The following GULP1 variants were observed in gnomAD, a reference collection of about 807,000 sequenced individuals.
The protein encoded by GULP1 is PTB domain-containing engulfment adapter protein 1.
In GULP1, 19 loss-of-function variants were observed where a neutral mutation model predicts 40.9. The ratio of observed to expected loss-of-function variants is 0.46; its 90% CI spans 0.32 to 0.68. GULP1 has a LOEUF of 0.68. GULP1 is among the 30% of genes least tolerant of loss of function. The pLI is 0.03. For synonymous variants in GULP1, 119 were observed against 117.6 expected, an observed-to-expected ratio of 1.01 and a Z score of -0.08; for missense variants, 312 against 362.2, an observed-to-expected ratio of 0.86 and a Z score of 1.12.
At chr2:188,426,076 G>A (rs1438442371) in intron 2 of GULP1, among the ~76,000 whole-genome samples, 3 of 152,130 alleles carry the variant, frequency 2.0e-5, no homozygotes, top group Admixed American at 2.0e-4. Context: ...AAGGAGGCAA[G>A]TTACAGGCAA....
At chr2:188,545,181 A>T (rs1691570536) in intron 7 of GULP1, among the ~76,000 whole-genome samples, 1 of 151,866 alleles carries the variant, frequency 6.6e-6, no homozygotes, top group Admixed American at 6.6e-5. Flanking sequence ...TTATTAGATG[A>T]ATGAAAATTA....
chr2:188,557,579 T>C (rs1298967799), intron 7 of GULP1, among the ~76,000 whole-genome samples: 1 of 152,194 alleles, frequency 6.6e-6, no homozygotes, highest in Middle Eastern at 3.2e-3. Flanking sequence ...GCCATTAAGG[T>C]TCAGCCCTAA....
At chr2:188,571,024 G>C (rs1698919054) in intron 9 of GULP1, among the ~76,000 whole-genome samples, 1 of 152,136 alleles carries the variant, frequency 6.6e-6, no homozygotes, top group African/African-American at 2.4e-5. Flanking sequence ...CAGGCATATT[G>C]GCACACACCT....
chr2:188,586,583 A>T (rs1307756715), intron 10 of GULP1, among the ~76,000 whole-genome samples: 4 of 152,182 alleles, frequency 2.6e-5, no homozygotes, highest in African/African-American at 9.6e-5. Flanking sequence ...TTCCCATTTG[A>T]TTAGGATAGC....
At chr2:188,504,547 A>G (rs1003481779) in intron 4 of GULP1, among the ~76,000 whole-genome samples, 5 of 151,972 alleles carry the variant, frequency 3.3e-5, no homozygotes, top group Admixed American at 1.3e-4. Flanking sequence ...ATTTTGACAG[A>G]GAGTAATAGG....
At chr2:188,517,837 T>C (rs1454609226) in intron 4 of GULP1, among the ~76,000 whole-genome samples, 1 of 152,068 alleles carries the variant, frequency 6.6e-6, no homozygotes, top group Non-Finnish European at 1.5e-5. Flanking sequence ...GCATGTGGAC[T>C]TCTGCTTAGT....
chr2:188,364,903 TACAC>T (rs146488035), intron 1 of GULP1, among the ~76,000 whole-genome samples: 63 of 147,620 alleles, frequency 4.3e-4, no homozygotes, highest in African/African-American at 1.2e-3. Flanking sequence ...TATACACAAA[TACAC>T]ACACACACAC....
chr2:188,353,243 A>G (rs1462258748), intron 1 of GULP1, among the ~76,000 whole-genome samples: 1 of 152,178 alleles, frequency 6.6e-6, no homozygotes, highest in East Asian at 1.9e-4. Context: ...GAAAGCTGAC[A>G]TTTACCAAGT....
chr2:188,335,258 G>T (rs2042111183), intron 1 of GULP1, among the ~76,000 whole-genome samples: 1 of 152,110 alleles, frequency 6.6e-6, no homozygotes, highest in South Asian at 2.1e-4. Flanking sequence ...AACACTTTTG[G>T]CAGGGGGGAA....
chr2:188,494,223 G>C (rs2062685332), intron 4 of GULP1, among the ~76,000 whole-genome samples: 1 of 151,904 alleles, frequency 6.6e-6, no homozygotes, highest in Non-Finnish European at 1.5e-5. Flanking sequence ...GGTATCAGCT[G>C]TGACCAGTGT....
chr2:188,297,997 C>T (rs1342654159), intron 1 of GULP1, among the ~76,000 whole-genome samples: 1 of 151,868 alleles, frequency 6.6e-6, no homozygotes, highest in Non-Finnish European at 1.5e-5. Flanking sequence ...GGTTCATTTA[C>T]CCAGATTTCA....
chr2:188,363,078 G>C (rs1473675458), intron 1 of GULP1, among the ~76,000 whole-genome samples: 1 of 152,064 alleles, frequency 6.6e-6, no homozygotes, highest in Non-Finnish European at 1.5e-5. Flanking sequence ...ATTAAAGTTT[G>C]AAAAATGACT....
At position 188,292,424 on chromosome 2, in the gene GULP1, G is replaced by C. The variant is rs530696253; in HGVS notation, c.-172+258G>C. On this transcript the variant is annotated intron_variant, in intron 1 of 11. Coordinates refer to ENST00000409830, the MANE Select transcript of GULP1 (RefSeq NM_016315.4). This position sits in a 1 kb window ranked among gnomAD's most constrained non-coding sequence, Gnocchi z 4.0. ...GTTGACGCCTGCTATGGCAGCGCTTGAGAAATGACTGGGGGAGTCCAGCGA... is the reference window on the plus strand; with the variant it reads ...GTTGACGCCTGCTATGGCAGCGCTTCAGAAATGACTGGGGGAGTCCAGCGA... 3.3e-5 allele frequency among the ~76,000 whole-genome samples: 5 copies of C among 152,348 alleles called. No homozygotes were observed. The East Asian group carries it at 9.7e-4, about 29-fold the overall frequency.
chr2:188,296,974 CT>C (rs1282626685), intron 1 of GULP1, among the ~76,000 whole-genome samples: 1 of 151,842 alleles, frequency 6.6e-6, no homozygotes, highest in Non-Finnish European at 1.5e-5. Flanking sequence ...CCATTTCTTT[CT>C]CCCTTTCTGT....
chr2:188,541,119 A>C lies in GULP1; in HGVS notation c.262-62A>C. 2.2e-6 allele frequency: 3 copies of C among 1,383,606 alleles called. No individual in the cohort carries two copies. The East Asian group carries it at 6.9e-5, about 32-fold the overall frequency. 85.7% of individuals were successfully genotyped at this position (1,383,606 alleles called of 1,614,324 possible). A position where few individuals can be genotyped will look rare whatever the true frequency, so the allele number is the denominator to read the frequency against. ...AAGTCACATGTTATTAACACAAACG[A>C]GTATTTCAGAAAATGAAAAAAGAAT... On this transcript the variant is annotated intron_variant, in intron 6 of 11. Coordinates refer to ENST00000409830, the MANE Select transcript of GULP1 (RefSeq NM_016315.4).
chr2:188,511,860 T>C (rs1575692125), intron 4 of GULP1, among the ~76,000 whole-genome samples: 1 of 152,210 alleles, frequency 6.6e-6, no homozygotes, highest in East Asian at 1.9e-4. Context: ...AACTTCCTTG[T>C]CCTTTAAAGG....
chr2:188,318,636 T>C (rs532444518), intron 1 of GULP1, among the ~76,000 whole-genome samples: 1 of 149,884 alleles, frequency 6.7e-6, no homozygotes, highest in South Asian at 2.1e-4. Flanking sequence ...ATCATTGGCA[T>C]GGTGAGTTAC....
At chr2:188,552,258 G>A (rs987846414) in intron 7 of GULP1, among the ~76,000 whole-genome samples, 2 of 151,812 alleles carry the variant, frequency 1.3e-5, no homozygotes, top group Admixed American at 6.6e-5. Flanking sequence ...CCAATGTTCA[G>A]TAGTTTTCCT....
chr2:188,424,281 A>T (rs2055850162), intron 2 of GULP1, among the ~76,000 whole-genome samples: 1 of 151,864 alleles, frequency 6.6e-6, no homozygotes, highest in African/African-American at 2.4e-5. Flanking sequence ...TACTAATATG[A>T]ATTGAATGGA....
Sources: gnomAD v4.1 joint callset for allele counts (sites outside exome capture counted in the v4.1 genomes callset) on GRCh38, gnomAD v4.1.1 for gene constraint, Gnocchi (gnomAD v3.1) non-coding constraint, MANE v1.5 for transcripts, NCBI Gene and HGNC (gene_info 2026-07-23, HGNC 2026-07-21) for gene names.